FAM135B: variants seen among roughly 807,000 people sequenced by gnomAD.
FAM135B encodes family with sequence similarity 135 member B, also known as protein FAM135B.
In FAM135B, 43 loss-of-function variants were observed where a neutral mutation model predicts 127.7. The observed-to-expected ratio is 0.34, with a 90% CI of 0.26 to 0.43. The LOEUF (loss-of-function observed/expected upper bound fraction) is 0.43, where lower values mean the gene tolerates loss of function less well. Among genes scored for constraint, FAM135B ranks in the 20% least tolerant of loss-of-function variants. The pLI is 1.00. For synonymous variants in FAM135B, 670 were observed against 665.1 expected (o/e 1.01, Z -0.11); for missense variants, 1,558 against 1,725.6 (o/e 0.90, Z 1.72).
intron 2 of FAM135B, among the ~76,000 whole-genome samples, chr8:138,338,938 T>C (rs112199868): frequency 7.9e-5 from 12 of 151,630 alleles, no homozygotes; most frequent in African/African-American, 1.2e-4. Flanking sequence ...CCATAAAAAA[T>C]GATGAGTTCA....
chr8:138,488,068 C>G (rs1455864211), intron 1 of FAM135B, among the ~76,000 whole-genome samples: 1 of 152,024 alleles, frequency 6.6e-6, no homozygotes, highest in Non-Finnish European at 1.5e-5. Context: ...GGAGGTCATC[C>G]CTAGGGGGCA....
chr8:138,158,780 C>T (rs1017171749), intron 12 of FAM135B, among the ~76,000 whole-genome samples: 5 of 152,030 alleles, frequency 3.3e-5, no homozygotes, highest in Non-Finnish European at 5.9e-5. Context: ...ATCATTAAAA[C>T]GTCAGGAAAC....
At chr8:138,244,537 G>A (rs1821134037) in intron 6 of FAM135B, among the ~76,000 whole-genome samples, 1 of 152,196 alleles carries the variant, frequency 6.6e-6, no homozygotes, top group Non-Finnish European at 1.5e-5. Flanking sequence ...TGTCTGGCAA[G>A]CAGCAAGGCT....
At chr8:138,294,698 C>G (rs942351465) in intron 3 of FAM135B, among the ~76,000 whole-genome samples, 1 of 152,152 alleles carries the variant, frequency 6.6e-6, no homozygotes, top group Non-Finnish European at 1.5e-5. Flanking sequence ...AAAATTATCT[C>G]TGGGATCTTA....
intron 7 of FAM135B, among the ~76,000 whole-genome samples, chr8:138,213,017 T>C (rs1250172926): frequency 6.6e-6 from 1 of 152,210 alleles, no homozygotes; most frequent in Non-Finnish European, 1.5e-5. Flanking sequence ...TGTAATATTT[T>C]TTAAAATGTG....
chr8:138,442,237 CATATATATATATATATATAT>C (rs759993575), intron 1 of FAM135B, among the ~76,000 whole-genome samples: 4 of 51,896 alleles, frequency 7.7e-5, no homozygotes, highest in Non-Finnish European at 8.9e-5. Context: ...ATATGGACAC[CATATATATATATATATATAT>C]ATATATATAT....
At chr8:138,368,111 CGT>C (rs575773905) in intron 1 of FAM135B, 109 bp from the exon 2 acceptor site, 180 of 716,920 alleles carry the variant, frequency 2.5e-4, no homozygotes, top group Middle Eastern at 7.2e-4. Context: ...ACAGGAGTAG[CGT>C]GTGTCCACTG....
intron 13 of FAM135B, among the ~76,000 whole-genome samples, chr8:138,149,138 A>T (rs1430937693): frequency 1.3e-4 from 2 of 14,948 alleles, no homozygotes; most frequent in Non-Finnish European, 1.4e-4. Flanking sequence ...ATAATAAAAA[A>T]ATAAATAAAT....
At chr8:138,376,115 A>G (rs117353345) in intron 1 of FAM135B, among the ~76,000 whole-genome samples, 10,720 of 151,866 alleles carry the variant, frequency 0.071, 798 homozygotes, top group African/African-American at 0.17. Context: ...GCTAATTTTT[A>G]TATTTTTAGT....
At chr8:138,288,120 C>T (rs1824835983) in intron 3 of FAM135B, among the ~76,000 whole-genome samples, 1 of 152,216 alleles carries the variant, frequency 6.6e-6, no homozygotes, top group East Asian at 1.9e-4. Context: ...ATTATCCCAC[C>T]TCTCATTATA....
In FAM135B at chr8:138,496,800, C is replaced by A; in HGVS notation, c.-149G>T. On this transcript the variant is annotated 5_prime_UTR_variant, in exon 1 of 20. Coordinates refer to ENST00000395297, the MANE Select transcript of FAM135B (RefSeq NM_015912.4). The stretch of plus-strand genomic sequence containing the variant: ...GCGGCGGCGGGCGGACTGGGGAGTC[C>A]GCAGCACCTGCGAGCTGGTGTTGGG... 1 of 153,074 alleles carries A rather than the reference C, an allele frequency of 6.5e-6. No individual in the cohort carries two copies. Among genetic ancestry groups the A allele is most frequent in the South Asian group, 2.0e-4 (1 of 5,038 alleles). The allele number at this position is 153,074 out of a possible 1,614,324, so 9.5% of individuals were successfully genotyped here. A position where few individuals can be genotyped will look rare whatever the true frequency, so the allele number is the denominator to read the frequency against.
chr8:138,281,644 T>C (rs1038826335), intron 3 of FAM135B, among the ~76,000 whole-genome samples: 4 of 152,248 alleles, frequency 2.6e-5, no homozygotes, highest in Middle Eastern at 3.4e-3. Context: ...ATTTTTCCTC[T>C]TGACCCTCTG....
intron 1 of FAM135B, among the ~76,000 whole-genome samples, chr8:138,442,613 A>C (rs1221642916): frequency 6.6e-6 from 1 of 152,092 alleles, no homozygotes; most frequent in African/African-American, 2.4e-5. Context: ...ACAGAAAGAA[A>C]GAGAGGAGCA....
At chr8:138,286,885 A>G (rs1018600445) in intron 3 of FAM135B, among the ~76,000 whole-genome samples, 2 of 152,252 alleles carry the variant, frequency 1.3e-5, no homozygotes, top group African/African-American at 4.8e-5. Flanking sequence ...ATTGGAGCCA[A>G]TGAGGCCTGA....
At chr8:138,389,472 G>A (rs894690162) in intron 1 of FAM135B, among the ~76,000 whole-genome samples, 1 of 152,158 alleles carries the variant, frequency 6.6e-6, no homozygotes, top group African/African-American at 2.4e-5. Flanking sequence ...TCGTGCAGTA[G>A]GATATTATTC....
At chr8:138,283,826 G>A (rs1022432076) in intron 3 of FAM135B, among the ~76,000 whole-genome samples, 2 of 152,034 alleles carry the variant, frequency 1.3e-5, no homozygotes, top group East Asian at 1.9e-4. Flanking sequence ...TTCCAGGGAG[G>A]AAGAGATGCC....
intron 3 of FAM135B, among the ~76,000 whole-genome samples, chr8:138,275,569 C>T (rs558810923): frequency 6.6e-6 from 1 of 151,928 alleles, no homozygotes; most frequent in Non-Finnish European, 1.5e-5. Flanking sequence ...GTGGTGTGTG[C>T]CTATAATCCT....
At position 138,132,686 on chromosome 8, in the gene FAM135B, G is replaced by T. The variant is rs1816302446; in HGVS notation, c.4128C>A (p.Thr1376=). ...CGATGTGAGCGGCTCGGCCGATCAG[G>T]GTGTTGGCAGTGTTGGGCAGGGCGT... ...VFHALPNTAN[T]LIGRAAHIAV... The change falls in exon 20 of 20, where the codon ACC becomes ACA. Residue 1376 remains threonine, a synonymous_variant. Transcript: ENST00000395297. This position sits in a 1 kb window ranked among gnomAD's most constrained non-coding sequence, Gnocchi z 4.5. The T allele has an allele frequency of 1.9e-6, 3 of 1,614,080 alleles. No individual in the cohort carries two copies. The East Asian group carries it at 6.7e-5, about 36-fold the overall frequency.
intron 3 of FAM135B, among the ~76,000 whole-genome samples, chr8:138,300,304 A>G (rs1317177257): frequency 6.6e-6 from 1 of 152,130 alleles, no homozygotes; most frequent in African/African-American, 2.4e-5. Flanking sequence ...CATGGTTAAA[A>G]ACGAGCCTGT....
Sources: allele counts gnomAD v4.1 joint callset (sites outside exome capture counted in the v4.1 genomes callset), GRCh38; gene constraint gnomAD v4.1.1; non-coding constraint Gnocchi (gnomAD v3.1); transcripts MANE v1.5; gene names NCBI Gene and HGNC (gene_info 2026-07-23, HGNC 2026-07-21).